KMT2C: variants seen among roughly 807,000 people sequenced by gnomAD.
The protein encoded by KMT2C is histone-lysine N-methyltransferase 2C.
KMT2C carries 88 observed loss-of-function variants against 507.9 expected under a neutral mutation model. The ratio of observed to expected loss-of-function variants is 0.17; its 90% CI spans 0.15 to 0.21. The LOEUF (loss-of-function observed/expected upper bound fraction) is 0.21, where lower values mean the gene tolerates loss of function less well. Ranked by LOEUF, KMT2C falls within the 10% of genes least tolerant of loss-of-function variation. The pLI, the probability that KMT2C is intolerant of heterozygous loss-of-function variation, is 1.00. For missense variants in KMT2C, 4,954 were observed against 5,957.8 expected, an observed-to-expected ratio of 0.83 and a Z score of 5.55; for synonymous variants, 2,049 against 2,080.8, an observed-to-expected ratio of 0.98 and a Z score of 0.42.
chr7:152,248,164 C>T lies in KMT2C; in HGVS notation c.2270G>A (p.Gly757Asp), dbSNP rs2129164031. 1 of 1,614,144 alleles carries T rather than the reference C, an allele frequency of 6.2e-7. No homozygotes were observed. Among genetic ancestry groups the T allele is most frequent in the Non-Finnish European group, 8.5e-7 (1 of 1,179,958 alleles). The change falls in exon 14 of 59, where the codon GGC (glycine) becomes GAC (aspartate). Residue 757 changes from glycine (G) to aspartate (D), a missense_variant. Physicochemically the swap from Gly to Asp is moderately conservative, Grantham distance 94. Coordinates refer to ENST00000262189, the MANE Select transcript of KMT2C (RefSeq NM_170606.3). Reference sequence around the variant, plus strand: ...CTCAGATGATAACTTTATAGATTTGCCTCCTTGGTATGAAACATCTTTCAC... The same window carrying T: ...CTCAGATGATAACTTTATAGATTTGTCTCCTTGGTATGAAACATCTTTCAC... The part of the protein sequence containing the change: ...GCVKDVSYQG[G>D]KSIKLSSETE...
chr7:152,175,711 G>A (rs915207934), intron 38 of KMT2C, among the ~76,000 whole-genome samples: 6 of 152,088 alleles, frequency 3.9e-5, no homozygotes, highest in South Asian at 2.1e-4. Flanking sequence ...GATTACAGCC[G>A]TGAGCCACTG....
At chr7:152,219,241 A>T (rs548252365) in intron 23 of KMT2C, among the ~76,000 whole-genome samples, 118 of 152,246 alleles carry the variant, frequency 7.8e-4, no homozygotes, top group African/African-American at 2.8e-3. Flanking sequence ...AAGTGCTGAG[A>T]TTACAGGCAT....
intron 1 of KMT2C, among the ~76,000 whole-genome samples, chr7:152,379,491 T>C (rs990948934): frequency 6.6e-6 from 1 of 151,292 alleles, no homozygotes; most frequent in African/African-American, 2.4e-5. Flanking sequence ...TGAGCCGAGA[T>C]CATGCCACTG....
chr7:152,212,055 GAAGAA>G (rs2094467391), intron 23 of KMT2C, among the ~76,000 whole-genome samples: 1 of 151,856 alleles, frequency 6.6e-6, no homozygotes, highest in Non-Finnish European at 1.5e-5. Context: ...CGAAAGAAAC[GAAGAA>G]AAGAGAAGAG....
At chr7:152,235,112 T>C (rs1241505968) in intron 16 of KMT2C, among the ~76,000 whole-genome samples, 3 of 151,752 alleles carry the variant, frequency 2.0e-5, no homozygotes, top group Non-Finnish European at 4.4e-5. Context: ...CAAGGACGGA[T>C]GGCAGGGGGA....
rs2129114783 is a variant in KMT2C, at chr7:152,177,423, A to T, written c.8030T>A (p.Ile2677Lys). The T allele has an allele frequency of 1.2e-6, 2 of 1,614,182 alleles. No individual in the cohort carries two copies. Among genetic ancestry groups the T allele is most frequent in the Non-Finnish European group, 1.7e-6 (2 of 1,180,026 alleles). ...PSETTSDNLQ[I>K]TTQPSDGLEE... ...TAGACCATCAGAAGGCTGGGTGGTT[A>T]TCTGTAAATTATCAGACGTTGTTTC... is the stretch of plus-strand genomic sequence containing the variant. The change falls in exon 38 of 59, where the codon ATA becomes AAA. Residue 2677 changes from isoleucine (I) to lysine (K), a missense_variant. Physicochemically the swap from Ile to Lys is moderately radical, Grantham distance 102. Coordinates refer to ENST00000262189, the MANE Select transcript of KMT2C (RefSeq NM_170606.3).
chr7:152,309,793 T>A, intron 6 of KMT2C, 173 bp downstream of exon 6: 1 of 491,428 alleles, frequency 2.0e-6, no homozygotes, highest in Non-Finnish European at 3.6e-6. Flanking sequence ...AGTGCTGGGA[T>A]TACAGGTGTG....
chr7:152,385,174 A>G (rs577446386), intron 1 of KMT2C, among the ~76,000 whole-genome samples: 1 of 152,344 alleles, frequency 6.6e-6, no homozygotes, highest in African/African-American at 2.4e-5. Context: ...CTCAGGAATC[A>G]GCAAAATCCT....
chr7:152,156,471 T>C (rs1413715192), intron 44 of KMT2C, 125 bp from the exon 45 acceptor site: 1 of 1,203,108 alleles, frequency 8.3e-7, no homozygotes, highest in Non-Finnish European at 1.1e-6. Context: ...TCAAGATGTA[T>C]CTTGCACACC....
At chr7:152,160,326 G>C (rs1385709351) in intron 43 of KMT2C, among the ~76,000 whole-genome samples, 2 of 152,024 alleles carry the variant, frequency 1.3e-5, no homozygotes, top group African/African-American at 2.4e-5. Context: ...AGATTATCTG[G>C]TCCCACCCAG....
intron 55 of KMT2C, among the ~76,000 whole-genome samples, chr7:152,142,281 G>GA (rs947595865): frequency 1.3e-5 from 2 of 152,198 alleles, no homozygotes; most frequent in Non-Finnish European, 2.9e-5. Context: ...TTTTGTAGGG[G>GA]AAAATTCTGA....
At chr7:152,220,001 T>G (rs1469709653) in intron 23 of KMT2C, 1 of 154,826 alleles carries the variant, frequency 6.5e-6, no homozygotes, top group African/African-American at 2.5e-5. Context: ...AGACCCTGTC[T>G]CCCAACTGAA....
chr7:152,201,617 G>GAAAAAAAACA (rs2094144876), intron 26 of KMT2C, among the ~76,000 whole-genome samples: 3 of 22,906 alleles, frequency 1.3e-4, no homozygotes, highest in African/African-American at 2.5e-4. Context: ...CAACAAAGAT[G>GAAAAAAAACA]AAAAAAAAAA....
intron 6 of KMT2C, among the ~76,000 whole-genome samples, chr7:152,307,252 C>A (rs4726149): frequency 4.2e-3 from 212 of 50,896 alleles, no homozygotes; most frequent in South Asian, 0.015. Context: ...GAAGGAAGGA[C>A]GGTAGGAAGG....
chr7:152,431,303 T>C (rs2097860547), intron 1 of KMT2C, among the ~76,000 whole-genome samples: 1 of 151,958 alleles, frequency 6.6e-6, no homozygotes, highest in Non-Finnish European at 1.5e-5. Context: ...TTCTCAAATA[T>C]TAGAAATTCC....
At chr7:152,156,589 T>A (rs2092064266) in intron 44 of KMT2C, among the ~76,000 whole-genome samples, 2 of 152,220 alleles carry the variant, frequency 1.3e-5, no homozygotes, top group Non-Finnish European at 2.9e-5. Context: ...ACTTAAGCTC[T>A]GAAATTAAGA....
At chr7:152,229,652 T>C (rs1243318971) in intron 18 of KMT2C, among the ~76,000 whole-genome samples, 2 of 152,188 alleles carry the variant, frequency 1.3e-5, no homozygotes, top group Non-Finnish European at 2.9e-5. Context: ...ACCTAAAATC[T>C]TTGTGAATAC....
At chr7:152,398,219 G>C (rs1227150785) in intron 1 of KMT2C, among the ~76,000 whole-genome samples, 1 of 152,152 alleles carries the variant, frequency 6.6e-6, no homozygotes, top group African/African-American at 2.4e-5. Context: ...TGTTCCATAA[G>C]GGCAGGAGCT....
intron 42 of KMT2C, among the ~76,000 whole-genome samples, chr7:152,166,413 C>T (rs1478972033): frequency 2.0e-5 from 3 of 152,178 alleles, no homozygotes; most frequent in Admixed American, 6.5e-5. Context: ...TGAACCACCA[C>T]GCCTGGCCTG....
Sources: gnomAD v4.1 joint callset for allele counts (sites outside exome capture counted in the v4.1 genomes callset) on GRCh38, gnomAD v4.1.1 for gene constraint, MANE v1.5 for transcripts, NCBI Gene and HGNC (gene_info 2026-07-23, HGNC 2026-07-21) for gene names.